Variants in FNIP2 observed in about 807,000 individuals in gnomAD.
FNIP2 encodes folliculin interacting protein 2, also known as folliculin-interacting protein 2.
A neutral mutation model predicts 108.7 loss-of-function variants in FNIP2; 32 were observed. The observed-to-expected ratio is 0.29, with a 90% confidence interval of 0.22 to 0.40. The LOEUF (loss-of-function observed/expected upper bound fraction) is 0.40. FNIP2 is among the 10% of genes least tolerant of loss of function. The pLI, the probability that FNIP2 is intolerant of heterozygous loss-of-function variation, is 1.00. For synonymous variants in FNIP2, 480 were observed against 496.7 expected (o/e 0.97, Z 0.45); for missense variants, 1,202 against 1,381.6 (o/e 0.87, Z 2.06).
chr4:158,823,219 ATG>A (rs1265250146), intron 1 of FNIP2, among the ~76,000 whole-genome samples: 1 of 152,170 alleles, frequency 6.6e-6, no homozygotes, highest in African/African-American at 2.4e-5. Context: ...CATATGTACT[ATG>A]TTATAATAAT....
At chr4:158,897,215 C>G (rs1279931929) in intron 16 of FNIP2, among the ~76,000 whole-genome samples, 1 of 152,160 alleles carries the variant, frequency 6.6e-6, no homozygotes, top group Admixed American at 6.5e-5. Context: ...TGTATATGTG[C>G]CACATTTTCT....
At chr4:158,778,123 C>T (rs138289631) in intron 1 of FNIP2, among the ~76,000 whole-genome samples, 252 of 152,268 alleles carry the variant, frequency 1.7e-3, no homozygotes, top group African/African-American at 5.6e-3. Flanking sequence ...CTAAAGTCAC[C>T]TAGAGAGCTT....
At chr4:158,836,824 A>C (rs1487666643) in intron 7 of FNIP2, among the ~76,000 whole-genome samples, 4 of 150,302 alleles carry the variant, frequency 2.7e-5, no homozygotes, top group Non-Finnish European at 5.9e-5. Flanking sequence ...AAAAAAAAAA[A>C]AAAAAAAAAA....
At chr4:158,869,495 G>T in intron 13 of FNIP2, 67 bp downstream of exon 13, 1 of 1,474,352 alleles carries the variant, frequency 6.8e-7, no homozygotes, top group Admixed American at 2.5e-5. Context: ...CCTGACACCT[G>T]TGATGTTGTT....
rs1219683771 is a variant in FNIP2, at chr4:158,831,875, T to G, written c.396T>G (p.Ala132=). ...CTTGCATGTAGTACACAAGACCAGC[T>G]TCCGATGTCAACATGTTAGGGGAAA... is the stretch of plus-strand genomic sequence containing the variant. ...QLPKYQYTRP[A]SDVNMLGEMM... is the part of the protein sequence containing the mutation. The change falls in exon 4 of 17, where the codon GCT becomes GCG. Residue 132 remains alanine (A), a synonymous_variant. Coordinates refer to ENST00000264433, the MANE Select transcript of FNIP2 (RefSeq NM_020840.3). 1 of 1,611,206 alleles carries G rather than the reference T, an allele frequency of 6.2e-7. No homozygotes were observed. Among genetic ancestry groups the G allele is most frequent in the Non-Finnish European group, 8.5e-7 (1 of 1,178,598 alleles).
rs1360506710 is a variant in FNIP2 at position 158,790,101 on chromosome 4, T to C, written c.107+20782T>C. On this transcript the variant is annotated intron_variant, in intron 1 of 16. Transcript: ENST00000264433. ...ATTATATACAATTACTTTCCGGCTA[T>C]GTATATATAAAGTGTATATGAAAGA... 3.3e-5 allele frequency among the ~76,000 whole-genome samples: 5 copies of C among 151,996 alleles called. No individual in the cohort carries two copies. In the East Asian group the frequency reaches 9.9e-4, roughly 30 times the overall value.
intron 1 of FNIP2, among the ~76,000 whole-genome samples, chr4:158,801,669 T>TG (rs1289116554): frequency 6.6e-6 from 1 of 152,230 alleles, no homozygotes; most frequent in Non-Finnish European, 1.5e-5. Context: ...CATAGAACGA[T>TG]GCTTGGCACA....
intron 14 of FNIP2, among the ~76,000 whole-genome samples, chr4:158,887,366 C>G (rs1192903537): frequency 6.6e-6 from 1 of 152,090 alleles, no homozygotes; most frequent in African/African-American, 2.4e-5. Context: ...TAAGGTATGG[C>G]TAGTAAGAAA....
At chr4:158,823,342 T>C (rs553497176) in intron 1 of FNIP2, among the ~76,000 whole-genome samples, 1 of 152,190 alleles carries the variant, frequency 6.6e-6, no homozygotes, top group African/African-American at 2.4e-5. Flanking sequence ...CTCGGCTCAC[T>C]GCAACCTCTG....
At position 158,868,056 on chromosome 4, in the gene FNIP2, G is replaced by A; in HGVS notation, c.1466-46G>A. ...GTAAAGACGGATATATCTGTGACATGCTAACCCCAGAGACCACTGCCTTTG... is the reference window on the plus strand; with the variant it reads ...GTAAAGACGGATATATCTGTGACATACTAACCCCAGAGACCACTGCCTTTG... On this transcript the variant is annotated intron_variant, in intron 12 of 16. Transcript: ENST00000264433. The surrounding 1 kb of genome is among the most constrained non-coding windows in gnomAD (Gnocchi z 4.6). 6.3e-7 allele frequency: 1 copy of A among 1,596,658 alleles called. No homozygotes were observed. Among genetic ancestry groups the A allele is most frequent in the Non-Finnish European group, 8.5e-7 (1 of 1,170,398 alleles).
At chr4:158,871,666 C>G (rs1304603268) in intron 14 of FNIP2, 2 of 985,250 alleles carry the variant, frequency 2.0e-6, no homozygotes, top group Non-Finnish European at 2.4e-6. Flanking sequence ...TAACCCCACC[C>G]CTGCTTTGTG....
intron 16 of FNIP2, among the ~76,000 whole-genome samples, chr4:158,898,949 T>C (rs1345693840): frequency 2.0e-5 from 3 of 152,256 alleles, no homozygotes; most frequent in African/African-American, 7.2e-5. Flanking sequence ...TTCCAGTTTT[T>C]GCCCATTCAG....
intron 6 of FNIP2, chr4:158,834,288 T>TTCTCTCTCTCTCCCTC (rs1778654770): frequency 1.6e-5 from 1 of 63,220 alleles, no homozygotes; most frequent in Non-Finnish European, 2.9e-5. Context: ...CATGGAAGAC[T>TTCTCTCTCTCTCCCTC]TCTCTCTCTC....
At chr4:158,866,816 A>G (rs1484884021) in intron 12 of FNIP2, among the ~76,000 whole-genome samples, 1 of 152,164 alleles carries the variant, frequency 6.6e-6, no homozygotes. Context: ...ACCTCAGGTC[A>G]TCCACCTGCC....
intron 14 of FNIP2, among the ~76,000 whole-genome samples, 162 bp downstream of exon 14, chr4:158,870,631 C>T (rs1002742667): frequency 6.6e-6 from 1 of 152,188 alleles, no homozygotes; most frequent in Non-Finnish European, 1.5e-5. Flanking sequence ...GCACCTGGGG[C>T]CTAGCAGCAG....
chr4:158,881,322 G>A (rs112864869), intron 14 of FNIP2, among the ~76,000 whole-genome samples: 5,013 of 100,632 alleles, frequency 0.05, 351 homozygotes, highest in African/African-American at 0.16. Flanking sequence ...TCTTTCCACC[G>A]TCTCGTCTCC....
At chr4:158,851,557 C>G (rs55922414) in intron 8 of FNIP2, 107 bp downstream of exon 8, 44,547 of 1,367,438 alleles carry the variant, frequency 0.033, 897 homozygotes, top group South Asian at 0.061. Context: ...AAAACCAAAA[C>G]TTTTTTATTA....
intron 5 of FNIP2, 28 bp downstream of exon 5, chr4:158,832,166 C>T (rs1778522055): frequency 1.3e-6 from 2 of 1,566,318 alleles, no homozygotes; most frequent in Admixed American, 1.7e-5. Flanking sequence ...CATTCCCCAC[C>T]CCCATTTTTT....
At chr4:158,832,519 T>G (rs1324094895) in intron 5 of FNIP2, among the ~76,000 whole-genome samples, 1 of 152,236 alleles carries the variant, frequency 6.6e-6, no homozygotes, top group Non-Finnish European at 1.5e-5. Flanking sequence ...AGCAGAAATA[T>G]TTCATATACT....
Sources: gnomAD v4.1 joint callset for allele counts (sites outside exome capture counted in the v4.1 genomes callset) on GRCh38, gnomAD v4.1.1 for gene constraint, Gnocchi (gnomAD v3.1) non-coding constraint, MANE v1.5 for transcripts, NCBI Gene and HGNC (gene_info 2026-07-23, HGNC 2026-07-21) for gene names.